PBX1: variants seen among roughly 807,000 people sequenced by gnomAD.
PBX1 encodes PBX homeobox 1.
A neutral mutation model predicts 53.4 loss-of-function variants in PBX1; 6 were observed. The ratio of observed to expected loss-of-function variants is 0.11; its 90% CI spans 0.06 to 0.22. The LOEUF is 0.22. PBX1 is among the 10% of genes least tolerant of loss of function. The pLI, the probability that PBX1 is intolerant of heterozygous loss-of-function variation, is 1.00. For synonymous variants in PBX1, 204 were observed against 212.3 expected, an observed-to-expected ratio of 0.96 and a Z score of 0.34; for missense variants, 251 against 551.4, an observed-to-expected ratio of 0.46 and a Z score of 5.46.
intron 1 of PBX1, chr1:164,560,268 A>T (rs1384465298): frequency 2.5e-6 from 1 of 404,410 alleles, no homozygotes; most frequent in East Asian, 3.6e-5. Flanking sequence ...GTATTCATTT[A>T]TATCCACACA....
At chr1:164,780,604 C>A (rs1378880577) in intron 2 of PBX1, among the ~76,000 whole-genome samples, 1 of 152,110 alleles carries the variant, frequency 6.6e-6, no homozygotes, top group Non-Finnish European at 1.5e-5. Flanking sequence ...GGCCTCATTT[C>A]CCCAAGGGAA....
chr1:164,631,747 A>G (rs1658422670), intron 2 of PBX1, among the ~76,000 whole-genome samples: 1 of 152,278 alleles, frequency 6.6e-6, no homozygotes, highest in Non-Finnish European at 1.5e-5. Flanking sequence ...TGTGCATATG[A>G]AATCCGTAAG....
intron 2 of PBX1, among the ~76,000 whole-genome samples, chr1:164,616,706 C>T (rs1444157600): frequency 6.6e-6 from 1 of 152,126 alleles, no homozygotes; most frequent in Non-Finnish European, 1.5e-5. Flanking sequence ...TGCATGTTCC[C>T]AATGCTAACT....
At chr1:164,750,319 A>G (rs1425541281) in intron 2 of PBX1, among the ~76,000 whole-genome samples, 1 of 152,150 alleles carries the variant, frequency 6.6e-6, no homozygotes, top group East Asian at 1.9e-4. Context: ...TAGTGAGGGT[A>G]AAAATATACA....
intron 2 of PBX1, among the ~76,000 whole-genome samples, chr1:164,691,056 C>T (rs1479344946): frequency 1.4e-5 from 2 of 140,394 alleles, no homozygotes; most frequent in Admixed American, 7.8e-5. Flanking sequence ...CCTTTGTCAC[C>T]CAGGCTGGAG....
Position 164,559,737 on chromosome 1 carries a change from T to G in PBX1, c.-86T>G. The G allele has an allele frequency of 2.0e-6, 2 of 999,148 alleles. No individual in the cohort carries two copies. Among genetic ancestry groups the G allele is most frequent in the Non-Finnish European group, 2.8e-6 (2 of 702,684 alleles). 61.9% of individuals were successfully genotyped at this position (999,148 alleles called of 1,614,324 possible). A position where few individuals can be genotyped will look rare whatever the true frequency, so the allele number is the denominator to read the frequency against. The stretch of plus-strand genomic sequence containing the variant: ...TCCTGAAAAGGATTTGAAGACAAGC[T>G]TGAAGGATAAAAAGCCTTGGTGCTT... On this transcript the variant is annotated 5_prime_UTR_variant, in exon 1 of 9. Coordinates refer to ENST00000420696, the MANE Select transcript of PBX1 (RefSeq NM_002585.4).
intron 2 of PBX1, among the ~76,000 whole-genome samples, chr1:164,569,628 G>C (rs1653698775): frequency 7.9e-6 from 1 of 126,678 alleles, no homozygotes; most frequent in Non-Finnish European, 1.6e-5. Flanking sequence ...TTGGAGTGCA[G>C]TGGCGTGATC....
chr1:164,722,754 AT>A (rs1664477795), intron 2 of PBX1, among the ~76,000 whole-genome samples: 1 of 152,116 alleles, frequency 6.6e-6, no homozygotes, highest in Admixed American at 6.6e-5. Context: ...GCAACCAGTG[AT>A]TTCTTGAACC....
At chr1:164,688,653 C>A (rs78172322) in intron 2 of PBX1, among the ~76,000 whole-genome samples, 14 of 152,252 alleles carry the variant, frequency 9.2e-5, no homozygotes, top group African/African-American at 3.4e-4. Flanking sequence ...TTTTTAAGGT[C>A]TTCATCAATG....
intron 2 of PBX1, among the ~76,000 whole-genome samples, chr1:164,689,719 A>G (rs771471638): frequency 1.2e-4 from 19 of 152,142 alleles, no homozygotes; most frequent in Non-Finnish European, 2.8e-4. Context: ...ATCTGCTGAC[A>G]ATATTCCTTC....
intron 2 of PBX1, among the ~76,000 whole-genome samples, chr1:164,879,498 G>A (rs1672595488): frequency 6.6e-6 from 1 of 152,102 alleles, no homozygotes. Context: ...TGTCATCTTG[G>A]GTTTGACATG....
At chr1:164,751,890 GC>G in intron 2 of PBX1, among the ~76,000 whole-genome samples, 1 of 152,048 alleles carries the variant, frequency 6.6e-6, no homozygotes, top group African/African-American at 2.4e-5. Flanking sequence ...CCAGTTTATT[GC>G]TTTTAAATGA....
At chr1:164,589,232 C>T (rs1655185288) in intron 2 of PBX1, among the ~76,000 whole-genome samples, 2 of 151,948 alleles carry the variant, frequency 1.3e-5, no homozygotes, top group Non-Finnish European at 2.9e-5. Flanking sequence ...GAGGGGGGCG[C>T]GGCTGAGAAA....
intron 2 of PBX1, among the ~76,000 whole-genome samples, chr1:164,877,800 A>G (rs537415519): frequency 1.3e-5 from 2 of 152,340 alleles, no homozygotes; most frequent in Non-Finnish European, 1.5e-5. Context: ...TACACAAGTG[A>G]TACACAAGTG....
chr1:164,617,705 T>C (rs1046336406), intron 2 of PBX1, among the ~76,000 whole-genome samples: 1 of 152,226 alleles, frequency 6.6e-6, no homozygotes, highest in Non-Finnish European at 1.5e-5. Flanking sequence ...AAACACACTT[T>C]AGAAAATTGT....
chr1:164,673,675 C>G (rs776829980), intron 2 of PBX1, among the ~76,000 whole-genome samples: 3 of 152,050 alleles, frequency 2.0e-5, no homozygotes, highest in Admixed American at 2.0e-4. Flanking sequence ...AGAAACTTAA[C>G]TCCTAGGAAT....
chr1:164,799,189 T>TA (rs1462117399), intron 3 of PBX1, among the ~76,000 whole-genome samples: 2 of 152,106 alleles, frequency 1.3e-5, no homozygotes, highest in East Asian at 1.9e-4. Context: ...TTTTTTCTCT[T>TA]AAAAAAATCC....
At chr1:164,690,078 T>C (rs1298125917) in intron 2 of PBX1, among the ~76,000 whole-genome samples, 3 of 152,208 alleles carry the variant, frequency 2.0e-5, no homozygotes, top group Admixed American at 6.5e-5. Context: ...TGGTACTGAC[T>C]CAATTAGAAT....
chr1:164,835,484 G>GT (rs1670993021), intron 8 of PBX1, among the ~76,000 whole-genome samples: 1 of 151,852 alleles, frequency 6.6e-6, no homozygotes, highest in African/African-American at 2.4e-5. Flanking sequence ...ACCCTCAACT[G>GT]TTTTTCAGTC....
Sources: gnomAD v4.1 joint callset for allele counts (sites outside exome capture counted in the v4.1 genomes callset) on GRCh38, gnomAD v4.1.1 for gene constraint, MANE v1.5 for transcripts, NCBI Gene and HGNC (gene_info 2026-07-23, HGNC 2026-07-21) for gene names.